The following RTF1 variants were observed in gnomAD, a reference collection of about 807,000 sequenced individuals.
RTF1 encodes RNA polymerase-associated protein RTF1 homolog.
A neutral mutation model predicts 95.7 loss-of-function variants in RTF1; 10 were observed. That is an observed-to-expected ratio of 0.10 (90% CI 0.06 to 0.18). The LOEUF (loss-of-function observed/expected upper bound fraction) is 0.18. Ranked by LOEUF, RTF1 falls within the 10% of genes least tolerant of loss-of-function variation. The pLI, the probability that RTF1 is intolerant of heterozygous loss-of-function variation, is 1.00. For missense variants in RTF1, 458 were observed against 875.6 expected, an observed-to-expected ratio of 0.52 and a Z score of 6.02; for synonymous variants, 305 against 311.8, an observed-to-expected ratio of 0.98 and a Z score of 0.23.
chr15:41,465,064 C>T (rs569682847), intron 5 of RTF1, among the ~76,000 whole-genome samples, 179 bp downstream of exon 5: 99 of 151,990 alleles, frequency 6.5e-4, no homozygotes, highest in Non-Finnish European at 1.3e-3. Context: ...GCTGTTAAAT[C>T]CTTAGCACTT....
At chr15:41,472,705 CTT>C (rs767696780) in intron 8 of RTF1, among the ~76,000 whole-genome samples, 20 of 127,110 alleles carry the variant, frequency 1.6e-4, no homozygotes, top group Admixed American at 2.4e-4. Flanking sequence ...GACTGAGTCT[CTT>C]TTTTTTTTTT....
chr15:41,418,218 C>T (rs1008056574), intron 1 of RTF1, among the ~76,000 whole-genome samples: 9 of 152,152 alleles, frequency 5.9e-5, no homozygotes, highest in African/African-American at 2.2e-4. Context: ...GGTCTCCTTT[C>T]TGTTTAATGA....
chr15:41,435,228 CTG>C (rs990506031), intron 1 of RTF1, among the ~76,000 whole-genome samples: 1 of 152,038 alleles, frequency 6.6e-6, no homozygotes, highest in Non-Finnish European at 1.5e-5. Flanking sequence ...TAGATCTTCT[CTG>C]TATCAGAGAA....
At chr15:41,428,295 T>C (rs2050648732) in intron 1 of RTF1, among the ~76,000 whole-genome samples, 2 of 125,066 alleles carry the variant, frequency 1.6e-5, no homozygotes, top group Non-Finnish European at 3.2e-5. Flanking sequence ...TGAGATGGAG[T>C]CTCGCTTTGT....
At chr15:41,469,604 C>T (rs372780915) in intron 6 of RTF1, among the ~76,000 whole-genome samples, 31 of 151,726 alleles carry the variant, frequency 2.0e-4, no homozygotes, top group South Asian at 1.9e-3. Flanking sequence ...TGGCTCACTG[C>T]AACCTCCGCC....
rs2050904211 is a variant in RTF1 at position 41,470,409 on chromosome 15, T to C, written c.1025+17T>C. ...AGAAGAGGAGTAAGCTCTTGTACAT[T>C]TTGGTCTAGTAGGCAGGATAGGTGG... On this transcript the variant is annotated intron_variant, in intron 7 of 17. Coordinates refer to ENST00000389629, the MANE Select transcript of RTF1 (RefSeq NM_015138.5). The C allele has an allele frequency of 6.2e-7, 1 of 1,612,692 alleles. No homozygotes were observed. The highest frequency in any genetic ancestry group is 8.5e-7 in the Non-Finnish European group (1 of 1,179,284).
chr15:41,434,155 T>C (rs1395764466), intron 1 of RTF1, among the ~76,000 whole-genome samples: 1 of 151,440 alleles, frequency 6.6e-6, no homozygotes. Context: ...TTTTTTTTTT[T>C]TTTTTTTAAG....
chr15:41,468,931 A>G (rs1566847554), intron 6 of RTF1, among the ~76,000 whole-genome samples: 2 of 152,016 alleles, frequency 1.3e-5, no homozygotes, highest in Non-Finnish European at 2.9e-5. Flanking sequence ...ATGTGTTTTA[A>G]TCCATTGCAG....
intron 4 of RTF1, among the ~76,000 whole-genome samples, chr15:41,464,020 T>G (rs2050866782): frequency 1.3e-5 from 2 of 151,358 alleles, no homozygotes; most frequent in Non-Finnish European, 2.9e-5. Context: ...CCCAGCTAAT[T>G]TTTGTATTTT....
intron 8 of RTF1, among the ~76,000 whole-genome samples, chr15:41,473,636 C>T (rs2050926938): frequency 6.6e-6 from 1 of 152,140 alleles, no homozygotes; most frequent in African/African-American, 2.4e-5. Context: ...GATCAGAGCT[C>T]ATTGCAACCT....
chr15:41,473,898 G>A (rs780277416), intron 8 of RTF1, among the ~76,000 whole-genome samples: 4 of 152,080 alleles, frequency 2.6e-5, no homozygotes, highest in Non-Finnish European at 5.9e-5. Context: ...TTAGCTTGGC[G>A]TGGTGGCATG....
At chr15:41,452,168 G>A (rs2050792271) in intron 2 of RTF1, among the ~76,000 whole-genome samples, 1 of 152,226 alleles carries the variant, frequency 6.6e-6, no homozygotes, top group South Asian at 2.1e-4. Context: ...AGGCACAGTG[G>A]CTCACACCTG....
chr15:41,445,697 TA>T (rs1423894298), intron 2 of RTF1, among the ~76,000 whole-genome samples: 4 of 150,812 alleles, frequency 2.7e-5, no homozygotes, highest in East Asian at 3.9e-4. Context: ...CAGTTGGGAT[TA>T]AAAAAAATTG....
intron 1 of RTF1, among the ~76,000 whole-genome samples, chr15:41,421,335 A>G (rs1431776884): frequency 2.0e-5 from 3 of 152,046 alleles, no homozygotes; most frequent in Non-Finnish European, 4.4e-5. Flanking sequence ...GCTTGCCTGT[A>G]ATCCCAGTTA....
intron 1 of RTF1, among the ~76,000 whole-genome samples, chr15:41,422,746 T>C (rs2050608591): frequency 6.6e-6 from 1 of 152,206 alleles, no homozygotes; most frequent in Non-Finnish European, 1.5e-5. Context: ...ATTAAATTTG[T>C]CTTTGAGAGA....
At chr15:41,474,599 C>A in intron 8 of RTF1, 21 bp from the exon 9 acceptor site, 4 of 1,577,676 alleles carry the variant, frequency 2.5e-6, no homozygotes, top group Non-Finnish European at 3.5e-6. Flanking sequence ...TTTTGACTGG[C>A]GTCTCTGTCC....
At chr15:41,449,545 GT>G (rs1303828145) in intron 2 of RTF1, among the ~76,000 whole-genome samples, 14 of 151,924 alleles carry the variant, frequency 9.2e-5, no homozygotes, top group Non-Finnish European at 5.9e-5. Flanking sequence ...GTCTTGCTAT[GT>G]TTCACAGGGT....
At chr15:41,452,836 T>A in intron 2 of RTF1, 65 bp from the exon 3 acceptor site, 1 of 1,238,866 alleles carries the variant, frequency 8.1e-7, no homozygotes, top group Non-Finnish European at 1.1e-6. Context: ...CTCTTGAGTC[T>A]TCCAGCTTTT....
intron 11 of RTF1, among the ~76,000 whole-genome samples, 199 bp downstream of exon 11, chr15:41,476,018 A>G (rs1441270732): frequency 6.6e-6 from 1 of 152,170 alleles, no homozygotes; most frequent in Admixed American, 6.5e-5. Flanking sequence ...GCTAACATAG[A>G]CTGAAGTGTA....
Sources: gnomAD v4.1 joint callset for allele counts (sites outside exome capture counted in the v4.1 genomes callset) on GRCh38, gnomAD v4.1.1 for gene constraint, MANE v1.5 for transcripts, NCBI Gene and HGNC (gene_info 2026-07-23, HGNC 2026-07-21) for gene names.